PTK2B: variants seen among roughly 807,000 people sequenced by gnomAD.
PTK2B encodes the protein protein-tyrosine kinase 2-beta.
PTK2B carries 71 observed loss-of-function variants against 142.9 expected under a neutral mutation model. The observed-to-expected ratio is 0.50, with a 90% CI of 0.41 to 0.61. The LOEUF (loss-of-function observed/expected upper bound fraction) is 0.61, where lower values mean the gene tolerates loss of function less well. Ranked by LOEUF, PTK2B falls within the 20% of genes least tolerant of loss-of-function variation. PTK2B has a pLI of 0.00. For missense variants in PTK2B, 1,105 were observed against 1,320.4 expected (o/e 0.84, Z 2.53); for synonymous variants, 519 against 503.4 (o/e 1.03, Z -0.42).
intron 2 of PTK2B, chr8:27,312,403 T>G (rs1036144366): frequency 6.6e-6 from 1 of 152,212 alleles, no homozygotes; most frequent in African/African-American, 2.4e-5. Context: ...TTTCCTAAAC[T>G]TGGGGCCCCT....
chr8:27,368,393 A>G (rs1371767664), intron 1 of PTK2B, among the ~76,000 whole-genome samples: 1 of 151,348 alleles, frequency 6.6e-6, no homozygotes, highest in African/African-American at 2.4e-5. Context: ...CCCCGCCACC[A>G]TCACTACCTC....
chr8:27,423,477 T>C (rs969934416), intron 5 of PTK2B, among the ~76,000 whole-genome samples: 1 of 152,178 alleles, frequency 6.6e-6, no homozygotes, highest in Admixed American at 6.5e-5. Context: ...GGGTGGGACC[T>C]TATCCTAGGC....
At chr8:27,312,621 A>G (rs1030467753) in intron 2 of PTK2B, among the ~76,000 whole-genome samples, 1 of 152,194 alleles carries the variant, frequency 6.6e-6, no homozygotes, top group Admixed American at 6.5e-5. Context: ...ACAATACCCC[A>G]AAATGGCCTC....
intron 24 of PTK2B, among the ~76,000 whole-genome samples, chr8:27,448,274 T>G (rs1811597255): frequency 6.6e-6 from 1 of 152,226 alleles, no homozygotes; most frequent in South Asian, 2.1e-4. Flanking sequence ...AGCCAACAGA[T>G]GGGTCATAGC....
chr8:27,335,750 A>G (rs1165705434), intron 1 of PTK2B, among the ~76,000 whole-genome samples: 1 of 152,186 alleles, frequency 6.6e-6, no homozygotes, highest in Non-Finnish European at 1.5e-5. Context: ...TGCCTCCTTC[A>G]TATCCCACCA....
At chr8:27,351,250 T>A (rs1386955542) in intron 1 of PTK2B, among the ~76,000 whole-genome samples, 9 of 151,072 alleles carry the variant, frequency 6.0e-5, no homozygotes, top group Non-Finnish European at 1.3e-4. Flanking sequence ...TGGGATTTAA[T>A]CTATGTTCTT....
chr8:27,419,009 C>A (rs2003246), intron 2 of PTK2B, among the ~76,000 whole-genome samples: 64,704 of 150,302 alleles, frequency 0.43, 14,240 homozygotes, highest in South Asian at 0.54. Context: ...GCCTGGGTGA[C>A]AGAGCGAGAC....
intron 21 of PTK2B, among the ~76,000 whole-genome samples, chr8:27,441,193 A>G (rs1200553188): frequency 6.6e-6 from 1 of 152,218 alleles, no homozygotes; most frequent in African/African-American, 2.4e-5. Context: ...CAATACATCG[A>G]TGAATGGGTG....
intron 23 of PTK2B, among the ~76,000 whole-genome samples, chr8:27,444,871 C>A (rs1015672566): frequency 2.0e-5 from 3 of 152,188 alleles, no homozygotes; most frequent in African/African-American, 7.2e-5. Context: ...TCCCCTCAAC[C>A]ACCAGAAATA....
chr8:27,322,173 A>G (rs1161428030), upstream of PTK2B, among the ~76,000 whole-genome samples: 1 of 151,766 alleles, frequency 6.6e-6, no homozygotes, highest in Non-Finnish European at 1.5e-5. Flanking sequence ...GTATTTATCC[A>G]TTTTTTTTGT....
intron 7 of PTK2B, 143 bp downstream of exon 7, chr8:27,430,561 C>T (rs1261784241): frequency 1.8e-6 from 2 of 1,114,874 alleles, no homozygotes; most frequent in Admixed American, 2.1e-5. Context: ...ACTAAATGTA[C>T]CCAGGGGTCC....
At chr8:27,442,190 A>G (rs978739708) in intron 21 of PTK2B, among the ~76,000 whole-genome samples, 6 of 152,244 alleles carry the variant, frequency 3.9e-5, no homozygotes, top group Non-Finnish European at 8.8e-5. Context: ...GTAGTGGGCT[A>G]TATAATGCAT....
intron 23 of PTK2B, among the ~76,000 whole-genome samples, chr8:27,444,932 A>G (rs551243621): frequency 5.6e-4 from 85 of 152,322 alleles, no homozygotes; most frequent in African/African-American, 2.0e-3. Context: ...CCATGGTCCT[A>G]TATTTGTTCT....
At chr8:27,396,773 A>G (rs1182991982) in intron 1 of PTK2B, among the ~76,000 whole-genome samples, 1 of 152,184 alleles carries the variant, frequency 6.6e-6, no homozygotes, top group Non-Finnish European at 1.5e-5. Context: ...GATTCCTAGG[A>G]TTCTTATCAT....
intron 1 of PTK2B, among the ~76,000 whole-genome samples, chr8:27,377,405 G>T (rs1777138688): frequency 6.6e-6 from 1 of 152,212 alleles, no homozygotes; most frequent in Non-Finnish European, 1.5e-5. Context: ...CGTACACTGA[G>T]ATTCAGGGAG....
chr8:27,317,194 C>A (rs1309282328), intron 3 of PTK2B, among the ~76,000 whole-genome samples: 1 of 152,216 alleles, frequency 6.6e-6, no homozygotes, highest in Admixed American at 6.5e-5. Context: ...TTCCAGAATA[C>A]TCCCTTGCAT....
chr8:27,418,066 A>G (rs745327117), intron 2 of PTK2B, among the ~76,000 whole-genome samples: 5 of 152,236 alleles, frequency 3.3e-5, no homozygotes, highest in Non-Finnish European at 5.9e-5. Context: ...CCCAGTCTTC[A>G]TCCCCTCCAG....
At chr8:27,440,760 G>A (rs1372968659) in intron 21 of PTK2B, among the ~76,000 whole-genome samples, 3 of 152,184 alleles carry the variant, frequency 2.0e-5, no homozygotes, top group African/African-American at 4.8e-5. Context: ...GTGATGTTGA[G>A]GCATCCTACC....
At chr8:27,449,889 G>T (rs1368536241) in intron 24 of PTK2B, among the ~76,000 whole-genome samples, 1 of 152,076 alleles carries the variant, frequency 6.6e-6, no homozygotes, top group African/African-American at 2.4e-5. Flanking sequence ...TCTAGGGAGA[G>T]GAAGCATTTA....
Sources: allele counts gnomAD v4.1 joint callset (sites outside exome capture counted in the v4.1 genomes callset), GRCh38; gene constraint gnomAD v4.1.1; transcripts MANE v1.5; gene names NCBI Gene and HGNC (gene_info 2026-07-23, HGNC 2026-07-21).